Variants in TTN observed in about 807,000 individuals in gnomAD.
TTN encodes titin.
A neutral mutation model predicts 3,223.0 loss-of-function variants in TTN; 1,525 were observed. The observed-to-expected ratio is 0.47, with a 90% CI of 0.45 to 0.49. The LOEUF is 0.49. Among genes scored for constraint, TTN ranks in the 20% least tolerant of loss-of-function variants. TTN has a pLI of 0.00. For synonymous variants in TTN, 14,094 were observed against 15,161.0 expected, an observed-to-expected ratio of 0.93 and a Z score of 5.17; for missense variants, 40,786 against 43,424.0, an observed-to-expected ratio of 0.94 and a Z score of 5.40.
Position 178,734,794 on chromosome 2 carries a change from C to A in TTN, c.15130G>T (p.Val5044Leu). ...TAACTCCCACTGTCTTCAACTTTTA[C>A]ATCCGTAATATCAAGTATAGCCTCA... ...NSEAILDITD[V>L]KVEDSGSYSC... The change falls in exon 51 of 363, where the codon GTA becomes TTA. Residue 5044 changes from valine (V) to leucine (L), a missense_variant. Coordinates refer to ENST00000589042, the MANE Select transcript of TTN (RefSeq NM_001267550.2). 1 of 1,613,842 alleles carries A rather than the reference C, an allele frequency of 6.2e-7. No homozygotes were observed. Among genetic ancestry groups the A allele is most frequent in the South Asian group, 1.1e-5 (1 of 91,078 alleles).
Position 178,561,329 on chromosome 2 carries a change from G to A in TTN, c.84803C>T (p.Ser28268Leu). 1 of 1,613,816 alleles carries A rather than the reference G, an allele frequency of 6.2e-7. No homozygotes were observed. Among genetic ancestry groups the A allele is most frequent in the South Asian group, 1.1e-5 (1 of 91,074 alleles). ...QPEVTNITRK[S>L]VSLKWSKPHY... ...TGGTTTAGACCATTTAAGTGACACTGATTTTCTTGTGATATTTGTGACTTC... is the reference window on the plus strand; with the variant it reads ...TGGTTTAGACCATTTAAGTGACACTAATTTTCTTGTGATATTTGTGACTTC... Residue 28268 changes from serine to leucine, a missense_variant, in exon 326 of 363, where the codon TCA (serine) becomes TTA (leucine). Transcript: ENST00000589042.
chr2:178,766,762 C>G (rs1202391201), intron 40 of TTN, 150 bp from the exon 41 acceptor site: 7 of 671,578 alleles, frequency 1.0e-5, no homozygotes, highest in African/African-American at 1.8e-5. Context: ...TTATAGCACT[C>G]TCTAATTTTT....
At position 178,724,737 on chromosome 2, in the gene TTN, T is replaced by A. The variant is rs535793457; in HGVS notation, c.20837-199A>T. 7.5e-6 allele frequency: 4 copies of A among 531,630 alleles called. No homozygotes were observed. The East Asian group carries it at 1.4e-4, about 19-fold the overall frequency. The allele number at this position is 531,630 out of a possible 1,614,324, so 32.9% of individuals were successfully genotyped here. A position where few individuals can be genotyped will look rare whatever the true frequency, so the allele number is the denominator to read the frequency against. ...TTATTTTAATATTTTTTCTTTTCAGTTTTTTCTTTATTTTTTGTTTTTCCC... is the reference window on the plus strand; with the variant it reads ...TTATTTTAATATTTTTTCTTTTCAGATTTTTCTTTATTTTTTGTTTTTCCC... On this transcript the variant is annotated intron_variant, in intron 71 of 362. Coordinates refer to ENST00000589042, the MANE Select transcript of TTN (RefSeq NM_001267550.2).
In TTN at chr2:178,625,279, C is replaced by T. The variant is rs759373140; in HGVS notation, c.44542G>A (p.Val14848Met). Residue 14848 changes from valine to methionine, a missense_variant, in exon 241 of 363, where the codon GTG becomes ATG. Val to Met is a conservative substitution (Grantham distance 21). Transcript: ENST00000589042. ...AAATAAGCCTTGTAATTACCTTTCA[C>T]AAAGAGGTTGGCGTGAGTTTTGAAA... The part of the protein sequence containing the change: ...KDFKTHANLF[V>M]KEPPVEFTKP... The T allele has an allele frequency of 6.0e-5, 96 of 1,605,014 alleles. No homozygotes were observed. Among genetic ancestry groups the T allele is most frequent in the Non-Finnish European group, 3.4e-5 (40 of 1,175,996 alleles).
chr2:178,610,086 T>G lies in TTN; in HGVS notation c.51436+4A>C, dbSNP rs776768213. ...AGCCATAGTGCATCCATGTCCAAAC[T>G]TACGCTTTGGATCTTGAGCAATGAC... On this transcript the variant is annotated splice_donor_region_variant and intron_variant, in intron 271 of 362. Coordinates refer to ENST00000589042, the MANE Select transcript of TTN (RefSeq NM_001267550.2). The G allele has an allele frequency of 3.1e-6, 5 of 1,612,658 alleles. No homozygotes were observed. The highest frequency in any genetic ancestry group is 4.2e-6 in the Non-Finnish European group (5 of 1,179,230).
At position 178,535,978 on chromosome 2, in the gene TTN, T is replaced by A; in HGVS notation, c.100765+4A>T. On this transcript the variant is annotated splice_donor_region_variant and intron_variant, in intron 357 of 362. Transcript: ENST00000589042. Reference sequence around the variant, plus strand: ...CAACTTGATGATAATTTATTTATTTTTACCTTCCACTTCCAAGGAGGCAGT... The same window carrying A: ...CAACTTGATGATAATTTATTTATTTATACCTTCCACTTCCAAGGAGGCAGT... The A allele has an allele frequency of 6.6e-7, 1 of 1,526,594 alleles. No individual in the cohort carries two copies. The highest frequency in any genetic ancestry group is 8.8e-7 in the Non-Finnish European group (1 of 1,141,304). The allele number at this position is 1,526,594 out of a possible 1,614,324, so 94.6% of individuals were successfully genotyped here. A position where few individuals can be genotyped will look rare whatever the true frequency, so the allele number is the denominator to read the frequency against.
At position 178,801,708 on chromosome 2, in the gene TTN, A is replaced by G. The variant is rs1022352416; in HGVS notation, c.295+430T>C. On this transcript the variant is annotated intron_variant, in intron 3 of 362. Coordinates refer to ENST00000589042, the MANE Select transcript of TTN (RefSeq NM_001267550.2). ...TTTATTTTCTTCTGGGTATGTTTAC[A>G]TGCCTCTTAAATGGGTGGTCTGTAG... 7.2e-5 allele frequency among the ~76,000 whole-genome samples: 11 copies of G among 152,166 alleles called. 1 individual carries two copies. Among genetic ancestry groups the G allele is most frequent in the African/African-American group, 2.7e-4 (11 of 41,448 alleles).
At chr2:178,599,960 A>C in intron 288 of TTN, 110 bp from the exon 289 acceptor site, 1 of 994,622 alleles carries the variant, frequency 1.0e-6, no homozygotes, top group South Asian at 2.0e-5. Flanking sequence ...CAGACTTTGT[A>C]GCTCAGCCCA....
At position 178,540,338 on chromosome 2, in the gene TTN, T is replaced by C; in HGVS notation, c.97828A>G (p.Thr32610Ala). 1 of 1,613,570 alleles carries C rather than the reference T, an allele frequency of 6.2e-7. No individual in the cohort carries two copies. Among genetic ancestry groups the C allele is most frequent in the Non-Finnish European group, 8.5e-7 (1 of 1,179,572 alleles). ...PPGKPQNPRV[T>A]DTTRTSVSLA... The stretch of plus-strand genomic sequence containing the variant: ...GAGACTGATGTCCTTGTTGTATCAG[T>C]AACTCTTGGGTTTTGTGGCTTTCCT... The change falls in exon 351 of 363, where the codon ACT becomes GCT. Residue 32610 changes from threonine to alanine, a missense_variant. Transcript: ENST00000589042.
rs1251763487 is a variant in TTN, at chr2:178,568,114, G to A, written c.78018C>T (p.Ser26006=). 1.9e-6 allele frequency: 3 copies of A among 1,613,416 alleles called. No homozygotes were observed. The highest frequency in any genetic ancestry group is 1.7e-4 in the Middle Eastern group (1 of 6,052). Residue 26006 remains serine (S), a synonymous_variant, in exon 326 of 363, where the codon TCC becomes TCT. Transcript: ENST00000589042. Reference sequence around the variant, plus strand: ...CTGGTTCATGCCACTGTATGACCATGGAGTCTTTGGAAATGGCTGTGGCAA... The same window carrying A: ...CTGGTTCATGCCACTGTATGACCATAGAGTCTTTGGAAATGGCTGTGGCAA... The part of the protein sequence containing the change: ...TPFATAISKD[S]MVIQWHEPVN...
chr2:178,577,453 C>T lies in TTN; in HGVS notation c.68882G>A (p.Gly22961Glu), dbSNP rs1244248488. The T allele has an allele frequency of 3.1e-6, 5 of 1,603,784 alleles. No individual in the cohort carries two copies. The highest frequency in any genetic ancestry group is 3.4e-6 in the Non-Finnish European group (4 of 1,173,458). ...AATGGCATTCAAAACAATGGTATCC[C>T]CTGCTTTAATTGTTAGCCCATCTTT... ...TIKDGLTIKA[G>E]DTIVLNAISI... Residue 22961 changes from glycine to glutamate, a missense_variant, in exon 324 of 363, where the codon GGG becomes GAG. Gly to Glu is a moderately conservative substitution (Grantham distance 98). Coordinates refer to ENST00000589042, the MANE Select transcript of TTN (RefSeq NM_001267550.2).
Position 178,757,574 on chromosome 2 carries a change from G to A in TTN, c.10646C>T (p.Thr3549Ile), listed in dbSNP as rs770691573. The A allele has an allele frequency of 2.3e-5, 36 of 1,595,736 alleles. No individual in the cohort carries two copies. Among genetic ancestry groups the A allele is most frequent in the East Asian group, 4.5e-5 (2 of 44,616 alleles). The change falls in exon 45 of 363, where the codon ACT becomes ATT. Residue 3549 changes from threonine (T) to isoleucine (I), a missense_variant. Physicochemically the swap from Thr to Ile is moderately conservative, Grantham distance 89. Coordinates refer to ENST00000589042, the MANE Select transcript of TTN (RefSeq NM_001267550.2). ...AGTCACTGTGAGTGTAGCTGCACAA[G>A]TGGCTTCCCCAGCACTATTGGCTGC... ...CKAANSAGEA[T>I]CAATLTVTPK...
chr2:178,583,659 G>A lies in TTN; in HGVS notation c.65523C>T (p.Asn21841=), dbSNP rs749119647. The change falls in exon 312 of 363, where the codon AAC becomes AAT. Residue 21841 remains asparagine, a synonymous_variant. Coordinates refer to ENST00000589042, the MANE Select transcript of TTN (RefSeq NM_001267550.2). ...CAGAAGGTTCAGAAGGTGGGCTAAT[G>A]TTTACCGCGGTCCTGGCAATAGCTC... ...QFRAIARTAV[N]ISPPSEPSDP... 26 of 1,611,998 alleles carry A rather than the reference G, an allele frequency of 1.6e-5. No homozygotes were observed. In the East Asian group the frequency reaches 5.6e-4, roughly 35 times the overall value.
rs776679334 is a variant in TTN at position 178,553,746 on chromosome 2, A to G, written c.89259T>C (p.Leu29753=). The G allele has an allele frequency of 1.2e-6, 2 of 1,612,062 alleles. No homozygotes were observed. Among genetic ancestry groups the G allele is most frequent in the South Asian group, 1.1e-5 (1 of 90,820 alleles). ...CATCATAGACAGGCTTACTCCAGCC[A>G]AGGGTGATGGATGACTTGGTTGAAT... ...IADSTKSSIT[L]GWSKPVYDGG... is the part of the protein sequence containing the mutation. The change falls in exon 334 of 363, where the codon CTT becomes CTC. Residue 29753 remains leucine (L), a synonymous_variant. Transcript: ENST00000589042.
In TTN at chr2:178,701,680, T is replaced by C. The variant is rs540053938; in HGVS notation, c.30539-93A>G. ...GTTTGATTTATTAGATCCTGAGATATGTCAGGCATATCTAATGGCAGAATC... is the reference window on the plus strand; with the variant it reads ...GTTTGATTTATTAGATCCTGAGATACGTCAGGCATATCTAATGGCAGAATC... On this transcript the variant is annotated intron_variant, in intron 109 of 362. Transcript: ENST00000589042. 4.0e-5 allele frequency: 50 copies of C among 1,262,112 alleles called. No homozygotes were observed. In the South Asian group the frequency reaches 6.0e-4, roughly 15 times the overall value. 78.2% of individuals were successfully genotyped at this position (1,262,112 alleles called of 1,614,324 possible).
Position 178,611,180 on chromosome 2 carries a change from A to T in TTN, c.50949T>A (p.Val16983=). The change falls in exon 270 of 363, where the codon GTT becomes GTA. Residue 16983 remains valine (V), a synonymous_variant. Coordinates refer to ENST00000589042, the MANE Select transcript of TTN (RefSeq NM_001267550.2). ...CATCTTTATGCCAACTAACAGTTGG[A>T]ACTGGGACAGCTCTGAAGGGAACAG... ...SIPVPFRAVP[V]PTVSWHKDGK... is the part of the protein sequence containing the mutation. 6.2e-7 allele frequency: 1 copy of T among 1,612,772 alleles called. No homozygotes were observed. The highest frequency in any genetic ancestry group is 8.5e-7 in the Non-Finnish European group (1 of 1,179,242).
rs878911201 is a variant in TTN, at chr2:178,777,536, T to C, written c.4529A>G (p.Asp1510Gly). ...DYTHKVVIKE[D>G]GTQSLIIVPA... ...GACAATAATTAGTGATTGAGTACCA[T>C]CTTCTTTAATGACTACTTTATGGGT... Residue 1510 changes from aspartate to glycine, a missense_variant, in exon 26 of 363, where the codon GAT (aspartate) becomes GGT (glycine). Physicochemically the swap from Asp to Gly is moderately conservative, Grantham distance 94 (BLOSUM62 -1). Coordinates refer to ENST00000589042, the MANE Select transcript of TTN (RefSeq NM_001267550.2). 8.7e-6 allele frequency: 14 copies of C among 1,613,868 alleles called. No individual in the cohort carries two copies. The African/African-American group carries it at 1.9e-4, about 22-fold the overall frequency.
At chr2:178,650,294 T>C in intron 209 of TTN, 23 bp from the exon 210 acceptor site, 1 of 1,521,500 alleles carries the variant, frequency 6.6e-7, no homozygotes. Flanking sequence ...TAGTTAATTT[T>C]ATTTCAATGT....
chr2:178,544,208 T>G lies in TTN; in HGVS notation c.96021A>C (p.Glu32007Asp), dbSNP rs569522219. The G allele has an allele frequency of 6.2e-7, 1 of 1,612,778 alleles. No homozygotes were observed. The highest frequency in any genetic ancestry group is 1.3e-5 in the African/African-American group (1 of 75,018). ...AGCTTCTGTGATAAATACCTATTCT[T>G]TCCACGGGCTCAATTTCAGCAATTG... ...SESIAEIEPV[E>D]RIEIPDLELA... The change falls in exon 345 of 363, where the codon GAA becomes GAC. Residue 32007 changes from glutamate (E) to aspartate (D), a missense_variant. Physicochemically the swap from Glu to Asp is conservative, Grantham distance 45. Transcript: ENST00000589042.
Sources: allele counts gnomAD v4.1 joint callset (sites outside exome capture counted in the v4.1 genomes callset), GRCh38; gene constraint gnomAD v4.1.1; transcripts MANE v1.5; gene names NCBI Gene and HGNC (gene_info 2026-07-23, HGNC 2026-07-21).